The following NELL1 variants were observed in gnomAD, a reference collection of about 807,000 sequenced individuals.
NELL1 encodes the protein neural EGFL like 1, also known as protein kinase C-binding protein NELL1.
NELL1 carries 76 observed loss-of-function variants against 107.4 expected under a neutral mutation model. The observed-to-expected ratio is 0.71, with a 90% CI of 0.59 to 0.86. The LOEUF (loss-of-function observed/expected upper bound fraction) is 0.86, where lower values mean the gene tolerates loss of function less well. Among genes scored for constraint, NELL1 ranks in the 40% least tolerant of loss-of-function variants. The pLI, the probability that NELL1 is intolerant of heterozygous loss-of-function variation, is 0.00. For missense variants in NELL1, 1,024 were observed against 1,005.5 expected (o/e 1.02, Z -0.25); for synonymous variants, 353 against 341.2 (o/e 1.03, Z -0.38).
intron 14 of NELL1, chr11:21,284,073 A>G: frequency 2.7e-6 from 1 of 373,284 alleles, no homozygotes; most frequent in South Asian, 2.0e-5. Flanking sequence ...TCTGCCTCAC[A>G]TGAAGAGGAA....
At chr11:20,978,573 C>G (rs746904724) in intron 12 of NELL1, among the ~76,000 whole-genome samples, 4 of 152,136 alleles carry the variant, frequency 2.6e-5, no homozygotes, top group African/African-American at 9.7e-5. Context: ...TTGGGCAACT[C>G]TTATTTTACA....
At chr11:20,846,497 C>G (rs11025787) in intron 3 of NELL1, among the ~76,000 whole-genome samples, 2 of 152,106 alleles carry the variant, frequency 1.3e-5, no homozygotes, top group African/African-American at 4.8e-5. Context: ...CTAGGCTAAT[C>G]GCTCTGGAGT....
intron 5 of NELL1, among the ~76,000 whole-genome samples, chr11:20,904,560 T>C (rs1046776031): frequency 1.3e-5 from 2 of 152,132 alleles, no homozygotes; most frequent in African/African-American, 2.4e-5. Flanking sequence ...AATTAGAACA[T>C]TCAAAATCAC....
chr11:20,758,242 C>T (rs149662762), intron 2 of NELL1, among the ~76,000 whole-genome samples: 48 of 152,252 alleles, frequency 3.2e-4, no homozygotes, highest in Non-Finnish European at 8.8e-5. Flanking sequence ...TCACTAATCT[C>T]CCTCTTCTCC....
intron 15 of NELL1, among the ~76,000 whole-genome samples, chr11:21,458,271 G>A (rs960072638): frequency 1.3e-5 from 2 of 152,126 alleles, no homozygotes; most frequent in South Asian, 4.1e-4. Context: ...GCTAGTGGGT[G>A]TATAAATTGG....
chr11:20,927,212 C>T (rs1037197250), intron 7 of NELL1, 96 bp from the exon 8 acceptor site: 14 of 1,181,628 alleles, frequency 1.2e-5, no homozygotes, highest in Admixed American at 5.3e-5. Flanking sequence ...GCATTTTTTT[C>T]TCTTCTCAGA....
chr11:21,027,169 C>T (rs978484681), intron 12 of NELL1, among the ~76,000 whole-genome samples: 1 of 152,150 alleles, frequency 6.6e-6, no homozygotes, highest in African/African-American at 2.4e-5. Context: ...ACACTTTGTT[C>T]TAGTTCTGGC....
At chr11:21,079,719 CA>C (rs1426780909) in intron 12 of NELL1, among the ~76,000 whole-genome samples, 1 of 151,914 alleles carries the variant, frequency 6.6e-6, no homozygotes, top group Non-Finnish European at 1.5e-5. Context: ...TCCACATGGC[CA>C]AAACTATATT....
At chr11:20,932,371 G>A (rs1380106816) in intron 9 of NELL1, among the ~76,000 whole-genome samples, 1 of 152,170 alleles carries the variant, frequency 6.6e-6, no homozygotes, top group African/African-American at 2.4e-5. Flanking sequence ...GAATAAGAGT[G>A]AAAGAGGGAA....
chr11:21,242,037 A>C (rs1454367490), intron 14 of NELL1, among the ~76,000 whole-genome samples: 1 of 151,680 alleles, frequency 6.6e-6, no homozygotes, highest in African/African-American at 2.4e-5. Flanking sequence ...CTTGTCTGTG[A>C]ATAGATATGA....
rs146485357 is a variant in NELL1 at position 20,681,554 on chromosome 11, C to T, written c.184+3494C>T. On this transcript the variant is annotated intron_variant, in intron 2 of 19. Coordinates refer to ENST00000357134, the MANE Select transcript of NELL1 (RefSeq NM_006157.5). Reference sequence around the variant, plus strand: ...CCTTAAAAATTTTCCAGCCTATTATCCAATGCCGAAGCCTCTTCCACATTT... The same window carrying T: ...CCTTAAAAATTTTCCAGCCTATTATTCAATGCCGAAGCCTCTTCCACATTT... 9.2e-3 allele frequency among the ~76,000 whole-genome samples: 1,402 copies of T among 152,190 alleles called. 22 individuals carry two copies. Among genetic ancestry groups the T allele is most frequent in the Admixed American group, 0.035 (537 of 15,264 alleles).
At chr11:21,238,063 C>CCAAA (rs1208273437) in intron 14 of NELL1, among the ~76,000 whole-genome samples, 2 of 152,050 alleles carry the variant, frequency 1.3e-5, no homozygotes, top group East Asian at 3.9e-4. Context: ...CCTAGCACAA[C>CCAAA]CAAACAGGAT....
chr11:21,240,538 A>G (rs903175439), intron 14 of NELL1, among the ~76,000 whole-genome samples: 12 of 152,032 alleles, frequency 7.9e-5, no homozygotes, highest in African/African-American at 2.4e-5. Flanking sequence ...TAAGTTACCT[A>G]GAGACATTTA....
intron 15 of NELL1, among the ~76,000 whole-genome samples, chr11:21,381,700 C>T (rs1019619615): frequency 2.0e-5 from 3 of 151,884 alleles, no homozygotes; most frequent in Middle Eastern, 3.2e-3. Flanking sequence ...TACAACCTCT[C>T]ACTGTACAAT....
chr11:21,396,085 A>T lies in NELL1; in HGVS notation c.1645+25137A>T, dbSNP rs558055345. On this transcript the variant is annotated intron_variant, in intron 15 of 19. Coordinates refer to ENST00000357134, the MANE Select transcript of NELL1 (RefSeq NM_006157.5). ...CCTGGCAATGGAACTTCCTTCATCA[A>T]ATAAATGAATTTTTGCCCCAATGCC... Among the ~76,000 whole-genome samples the T allele has an allele frequency of 5.3e-5, 8 of 151,610 alleles. No individual in the cohort carries two copies. The East Asian group carries it at 1.6e-3, about 30-fold the overall frequency.
At chr11:21,305,932 G>A (rs571321066) in intron 14 of NELL1, among the ~76,000 whole-genome samples, 40 of 151,852 alleles carry the variant, frequency 2.6e-4, no homozygotes, top group Middle Eastern at 3.4e-3. Context: ...ATTAAGGATC[G>A]TTCTCCAGAG....
chr11:20,710,941 G>A (rs1215336317), intron 2 of NELL1, among the ~76,000 whole-genome samples: 2 of 148,660 alleles, frequency 1.3e-5, no homozygotes, highest in African/African-American at 4.9e-5. Flanking sequence ...CCTTACTAAT[G>A]GTTTCTTTAT....
intron 15 of NELL1, among the ~76,000 whole-genome samples, chr11:21,435,322 T>C (rs1389851344): frequency 6.6e-5 from 10 of 152,132 alleles, no homozygotes; most frequent in African/African-American, 2.2e-4. Flanking sequence ...AGTTGTGGGT[T>C]TGTCATATAT....
At chr11:20,884,037 G>A (rs546707383) in intron 4 of NELL1, among the ~76,000 whole-genome samples, 31 of 152,288 alleles carry the variant, frequency 2.0e-4, no homozygotes, top group East Asian at 7.7e-4. Context: ...TATGTTTTGA[G>A]TGTCCACTTA....
Sources: gnomAD v4.1 joint callset for allele counts (sites outside exome capture counted in the v4.1 genomes callset) on GRCh38, gnomAD v4.1.1 for gene constraint, MANE v1.5 for transcripts, NCBI Gene and HGNC (gene_info 2026-07-23, HGNC 2026-07-21) for gene names.